The following RNLS variants were observed in gnomAD, a reference collection of about 807,000 sequenced individuals.
RNLS encodes renalase.
RNLS carries 39 observed loss-of-function variants against 39.8 expected under a neutral mutation model. That is an observed-to-expected ratio of 0.98 (90% CI 0.76 to 1.28). RNLS has a LOEUF of 1.28. Among genes scored for constraint, RNLS ranks in the 50% most tolerant of loss-of-function variants. The probability of loss-of-function intolerance (pLI) is 0.00; values close to 1 mark genes in which losing one functional copy is unlikely to be tolerated. For missense variants in RNLS, 410 were observed against 413.3 expected, an observed-to-expected ratio of 0.99 and a Z score of 0.07; for synonymous variants, 147 against 150.7, an observed-to-expected ratio of 0.98 and a Z score of 0.18.
the RNLS span, among the ~76,000 whole-genome samples, chr10:88,239,475 A>T: frequency 2.0e-5 from 3 of 152,246 alleles, no homozygotes. Flanking sequence ...CCCAAACTCT[A>T]GATGAGCCAC....
intron 4 of RNLS, among the ~76,000 whole-genome samples, chr10:88,535,086 A>G (rs937591768): frequency 1.3e-5 from 2 of 152,202 alleles, no homozygotes; most frequent in African/African-American, 2.4e-5. Context: ...GTTTTGATCA[A>G]TTGGGGCAAT....
intron 5 of RNLS, among the ~76,000 whole-genome samples, chr10:88,340,893 C>T (rs1740180669): frequency 6.6e-6 from 1 of 151,538 alleles, no homozygotes; most frequent in African/African-American, 2.4e-5. Flanking sequence ...AACCCCATCT[C>T]TACTAAAAAT....
At chr10:88,374,799 T>C (rs1850844101) in intron 4 of RNLS, among the ~76,000 whole-genome samples, 1 of 152,140 alleles carries the variant, frequency 6.6e-6, no homozygotes, top group South Asian at 2.1e-4. Context: ...TCACCCTAGG[T>C]TATGAATATC....
the RNLS span, among the ~76,000 whole-genome samples, chr10:88,235,334 G>A: frequency 4.7e-5 from 7 of 149,268 alleles, no homozygotes; most frequent in African/African-American, 1.5e-4. Flanking sequence ...TTCTGCTAGT[G>A]ATAAATATGG....
intron 4 of RNLS, among the ~76,000 whole-genome samples, chr10:88,528,760 G>C (rs985018873): frequency 6.6e-6 from 1 of 151,756 alleles, no homozygotes; most frequent in African/African-American, 2.4e-5. Context: ...GGTTAAGTCA[G>C]GAGAATTGCT....
At chr10:88,532,386 T>C (rs1847482219) in intron 4 of RNLS, among the ~76,000 whole-genome samples, 1 of 152,016 alleles carries the variant, frequency 6.6e-6, no homozygotes, top group African/African-American at 2.4e-5. Flanking sequence ...CTTACTAGTA[T>C]ACTGCTCCTA....
the RNLS span, among the ~76,000 whole-genome samples, chr10:88,266,531 G>A: frequency 2.6e-5 from 4 of 152,070 alleles, no homozygotes; most frequent in African/African-American, 9.7e-5. Flanking sequence ...TAATCCCATT[G>A]CTTTGTAAAG....
At chr10:88,230,511 T>A in the RNLS span, among the ~76,000 whole-genome samples, 18 of 152,210 alleles carry the variant, frequency 1.2e-4, no homozygotes, top group Admixed American at 1.0e-3. Flanking sequence ...TTCTTCCCCC[T>A]CCAATGCATC....
At chr10:88,368,116 G>A (rs908650663) in intron 4 of RNLS, among the ~76,000 whole-genome samples, 1 of 149,148 alleles carries the variant, frequency 6.7e-6, no homozygotes, top group African/African-American at 2.5e-5. Flanking sequence ...TTTTTTTCCT[G>A]AAAACTTTAT....
intron 4 of RNLS, among the ~76,000 whole-genome samples, chr10:88,528,332 C>A (rs752750561): frequency 5.3e-5 from 8 of 152,136 alleles, no homozygotes; most frequent in Non-Finnish European, 1.5e-5. Context: ...CAAATTACAA[C>A]TCAAGTAGGA....
chr10:88,351,204 C>G (rs1235399073), intron 5 of RNLS, among the ~76,000 whole-genome samples: 1 of 152,102 alleles, frequency 6.6e-6, no homozygotes, highest in Non-Finnish European at 1.5e-5. Context: ...ATGGTAGTTT[C>G]TTTTGCTGTG....
At chr10:88,540,758 A>T (rs1847992628) in intron 4 of RNLS, among the ~76,000 whole-genome samples, 1 of 152,154 alleles carries the variant, frequency 6.6e-6, no homozygotes, top group Non-Finnish European at 1.5e-5. Flanking sequence ...TTAAGAAATT[A>T]TAAATAATTT....
intron 4 of RNLS, among the ~76,000 whole-genome samples, chr10:88,431,909 C>T (rs1310495782): frequency 6.6e-6 from 1 of 151,650 alleles, no homozygotes; most frequent in East Asian, 1.9e-4. Flanking sequence ...GTAAATTTTT[C>T]ATGTACATTT....
At chr10:88,534,336 TA>T (rs1010705965) in intron 4 of RNLS, among the ~76,000 whole-genome samples, 3 of 152,136 alleles carry the variant, frequency 2.0e-5, no homozygotes, top group African/African-American at 7.2e-5. Flanking sequence ...ACTGGTCATA[TA>T]AATCCTCTGG....
chr10:88,308,293 A>T (rs1796375796), intron 6 of RNLS, among the ~76,000 whole-genome samples: 1 of 152,208 alleles, frequency 6.6e-6, no homozygotes, highest in African/African-American at 2.4e-5. Flanking sequence ...TTGACAAATG[A>T]GATCTATTTG....
chr10:88,227,267 G>T, the RNLS span, among the ~76,000 whole-genome samples: 1 of 152,200 alleles, frequency 6.6e-6, no homozygotes, highest in African/African-American at 2.4e-5. Flanking sequence ...AGGGGTAAAG[G>T]AGAGTAGATA....
At chr10:88,491,978 G>A (rs1259461515) in intron 4 of RNLS, among the ~76,000 whole-genome samples, 2 of 149,076 alleles carry the variant, frequency 1.3e-5, no homozygotes, top group African/African-American at 4.9e-5. Flanking sequence ...TTTTTTTAGG[G>A]GTAAAATAAA....
Position 88,583,265 on chromosome 10 carries a change from C to A in RNLS, c.-75G>T. ...GGCCCGGGCTTTCTGGAAAGGCGGC[C>A]GAACCGGCGCTAGCGCTCTTTGGTT... On this transcript the variant is annotated 5_prime_UTR_variant, in exon 1 of 7. Transcript: ENST00000331772. 1 of 1,582,030 alleles carries A rather than the reference C, an allele frequency of 6.3e-7. No homozygotes were observed. Among genetic ancestry groups the A allele is most frequent in the Non-Finnish European group, 8.6e-7 (1 of 1,168,972 alleles).
At chr10:88,464,829 G>T (rs987914376) in intron 4 of RNLS, among the ~76,000 whole-genome samples, 1 of 152,060 alleles carries the variant, frequency 6.6e-6, no homozygotes, top group African/African-American at 2.4e-5. Flanking sequence ...TATGGTGGCT[G>T]CCAAACTAAA....
Sources: allele counts gnomAD v4.1 joint callset (sites outside exome capture counted in the v4.1 genomes callset), GRCh38; gene constraint gnomAD v4.1.1; transcripts MANE v1.5; gene names NCBI Gene and HGNC (gene_info 2026-07-23, HGNC 2026-07-21).